Variants in HAPLN1 observed in about 807,000 individuals in gnomAD.
The protein encoded by HAPLN1 is Cartilage link protein.
Under a neutral mutation model 36.5 loss-of-function variants are expected in HAPLN1, and 13 were observed. That is an observed-to-expected ratio of 0.36 (90% CI 0.23 to 0.57). The LOEUF (loss-of-function observed/expected upper bound fraction) is 0.57. Ranked by LOEUF, HAPLN1 falls within the 20% of genes least tolerant of loss-of-function variation. The pLI is 0.83. For missense variants in HAPLN1, 407 were observed against 439.7 expected (o/e 0.93, Z 0.66); for synonymous variants, 202 against 169.8 (o/e 1.19, Z -1.48).
chr5:83,654,148 T>G (rs977382025), intron 2 of HAPLN1, among the ~76,000 whole-genome samples: 3 of 152,196 alleles, frequency 2.0e-5, no homozygotes, highest in African/African-American at 7.2e-5. Flanking sequence ...AGACACAGCA[T>G]CTCTATTTTT....
intron 1 of HAPLN1, among the ~76,000 whole-genome samples, chr5:83,718,815 G>A (rs189969044): frequency 9.2e-5 from 14 of 152,148 alleles, no homozygotes; most frequent in African/African-American, 3.4e-4. Context: ...ATGTGCATGG[G>A]GCAAAAAGAA....
chr5:83,647,589 G>C (rs1281658473), intron 3 of HAPLN1, among the ~76,000 whole-genome samples: 1 of 152,120 alleles, frequency 6.6e-6, no homozygotes, highest in Non-Finnish European at 1.5e-5. Context: ...TCTTGGCTCT[G>C]TAGAAAAAAT....
rs1749691161 is a variant in HAPLN1, at chr5:83,641,489, G to C, written c.*7C>G. ...GACTTTAAAACTGATGCGCTCTAAG[G>C]GCACATTCAGTTGTATGCTCTGAAG... On this transcript the variant is annotated 3_prime_UTR_variant, in exon 5 of 5. Coordinates refer to ENST00000274341, the MANE Select transcript of HAPLN1 (RefSeq NM_001884.4). 1.3e-6 allele frequency: 2 copies of C among 1,587,766 alleles called. No individual in the cohort carries two copies. The highest frequency in any genetic ancestry group is 2.3e-5 in the South Asian group (2 of 88,758).
chr5:83,642,698 A>G (rs183531378), intron 4 of HAPLN1, among the ~76,000 whole-genome samples: 1 of 152,232 alleles, frequency 6.6e-6, no homozygotes, highest in East Asian at 1.9e-4. Context: ...CCCTCATTAG[A>G]TATAGGTTAC....
At chr5:83,663,152 C>T (rs905542889) in intron 2 of HAPLN1, among the ~76,000 whole-genome samples, 6 of 152,272 alleles carry the variant, frequency 3.9e-5, no homozygotes, top group South Asian at 2.1e-4. Context: ...GCACAGGCCC[C>T]GTTCTAAACA....
intron 2 of HAPLN1, among the ~76,000 whole-genome samples, chr5:83,663,000 AG>A (rs1334044566): frequency 6.6e-6 from 1 of 152,226 alleles, no homozygotes; most frequent in Non-Finnish European, 1.5e-5. Flanking sequence ...ACAATGGGTC[AG>A]GTAATAAGTT....
chr5:83,713,939 T>C (rs906722528), intron 1 of HAPLN1, among the ~76,000 whole-genome samples: 5 of 152,334 alleles, frequency 3.3e-5, no homozygotes, highest in African/African-American at 1.2e-4. Flanking sequence ...TATACTGTAG[T>C]GATTATCATT....
chr5:83,680,124 C>T (rs1351453508), intron 1 of HAPLN1, among the ~76,000 whole-genome samples: 2 of 152,162 alleles, frequency 1.3e-5, no homozygotes, highest in Admixed American at 6.6e-5. Flanking sequence ...CAACCTTTCA[C>T]CTAATCGAAG....
intron 2 of HAPLN1, among the ~76,000 whole-genome samples, chr5:83,657,339 C>A (rs1270062808): frequency 1.3e-5 from 2 of 152,056 alleles, no homozygotes; most frequent in East Asian, 3.8e-4. Context: ...CTCAGGTGAT[C>A]CACCTGCCTC....
intron 1 of HAPLN1, among the ~76,000 whole-genome samples, chr5:83,679,625 G>A (rs1167481786): frequency 6.6e-6 from 1 of 151,728 alleles, no homozygotes; most frequent in African/African-American, 2.4e-5. Context: ...ACTTATCATC[G>A]AACCAGGCAC....
chr5:83,665,160 GTGCTGA>G (rs1750517941), intron 2 of HAPLN1, among the ~76,000 whole-genome samples: 1 of 151,940 alleles, frequency 6.6e-6, no homozygotes, highest in African/African-American at 2.4e-5. Flanking sequence ...TTACCTTTCT[GTGCTGA>G]AGAAACCAAA....
At chr5:83,671,023 AT>A (rs1243968157) in intron 2 of HAPLN1, among the ~76,000 whole-genome samples, 2 of 151,930 alleles carry the variant, frequency 1.3e-5, no homozygotes, top group Non-Finnish European at 2.9e-5. Context: ...TAATATCCAG[AT>A]TAAACTTTTT....
At chr5:83,700,369 G>C (rs1218465567) in intron 1 of HAPLN1, among the ~76,000 whole-genome samples, 2 of 152,050 alleles carry the variant, frequency 1.3e-5, no homozygotes, top group Non-Finnish European at 2.9e-5. Context: ...ATCAGTTTGA[G>C]GTGACAGTTA....
intron 1 of HAPLN1, among the ~76,000 whole-genome samples, chr5:83,705,638 T>G (rs890441949): frequency 6.6e-6 from 1 of 152,000 alleles, no homozygotes; most frequent in Non-Finnish European, 1.5e-5. Flanking sequence ...GATTTCAAAT[T>G]AATGACTAAC....
intron 1 of HAPLN1, among the ~76,000 whole-genome samples, chr5:83,683,123 A>G (rs1198451183): frequency 6.6e-6 from 1 of 152,194 alleles, no homozygotes; most frequent in Non-Finnish European, 1.5e-5. Flanking sequence ...AGTAAAATAC[A>G]TAACAATATG....
chr5:83,709,016 C>A (rs10063077), intron 1 of HAPLN1, among the ~76,000 whole-genome samples: 44,557 of 152,054 alleles, frequency 0.29, 6,867 homozygotes, highest in East Asian at 0.42. Context: ...GCTGGGACTA[C>A]AGGCATGTGC....
At position 83,687,948 on chromosome 5, in the gene HAPLN1, A is replaced by G. The variant is rs372826496; in HGVS notation, c.-26-14399T>C. Reference sequence around the variant, plus strand: ...TTAAGATATAAGCATTGGATAGACAAGAATTTCTATGACACAAAATAGGCC... The same window carrying G: ...TTAAGATATAAGCATTGGATAGACAGGAATTTCTATGACACAAAATAGGCC... On this transcript the variant is annotated intron_variant, in intron 1 of 4. Coordinates refer to ENST00000274341, the MANE Select transcript of HAPLN1 (RefSeq NM_001884.4). 3.7e-4 allele frequency among the ~76,000 whole-genome samples: 57 copies of G among 152,336 alleles called. 1 individual carries two copies. In the South Asian group the frequency reaches 0.012, roughly 31 times the overall value.
chr5:83,656,919 T>C (rs184496890), intron 2 of HAPLN1, among the ~76,000 whole-genome samples: 208 of 152,254 alleles, frequency 1.4e-3, no homozygotes, highest in Non-Finnish European at 2.2e-3. Context: ...TTTTAAACAA[T>C]AGGACAAGCA....
intron 1 of HAPLN1, among the ~76,000 whole-genome samples, chr5:83,683,258 C>T (rs960129926): frequency 4.6e-5 from 7 of 152,144 alleles, no homozygotes; most frequent in Non-Finnish European, 8.8e-5. Flanking sequence ...AACCTGGTCT[C>T]CAAATTCCCA....
Sources: allele counts gnomAD v4.1 joint callset (sites outside exome capture counted in the v4.1 genomes callset), GRCh38; gene constraint gnomAD v4.1.1; transcripts MANE v1.5; gene names NCBI Gene and HGNC (gene_info 2026-07-23, HGNC 2026-07-21).